LAMP5: variants seen among roughly 807,000 people sequenced by gnomAD.
LAMP5 encodes the protein lysosome associated membrane protein 5.
Under a neutral mutation model 30.2 loss-of-function variants are expected in LAMP5, and 36 were observed. The ratio of observed to expected loss-of-function variants is 1.19; its 90% CI spans 0.91 to 1.57. The LOEUF is 1.57. LAMP5 is among the 40% of genes most tolerant of loss of function. The pLI is 0.00. For synonymous variants in LAMP5, 149 were observed against 134.6 expected, an observed-to-expected ratio of 1.11 and a Z score of -0.74; for missense variants, 377 against 354.9, an observed-to-expected ratio of 1.06 and a Z score of -0.50.
In LAMP5 at chr20:9,516,295, A is replaced by C. The variant is rs762196385; in HGVS notation, c.409A>C (p.Arg137=). The change falls in exon 4 of 6, where the codon AGG becomes CGG. Residue 137 remains arginine, a synonymous_variant. Transcript: ENST00000246070. ...GTCCAAGGGACCTGAGGCGACTTGGAGGCTGAGCAAAGTGCAGTTTGTCTA... is the reference window on the plus strand; with the variant it reads ...GTCCAAGGGACCTGAGGCGACTTGGCGGCTGAGCAAAGTGCAGTTTGTCTA... ...NMSKGPEATW[R]LSKVQFVYDS... is the part of the protein sequence containing the mutation. The C allele has an allele frequency of 6.2e-7, 1 of 1,614,174 alleles. No individual in the cohort carries two copies. The highest frequency in any genetic ancestry group is 1.1e-5 in the South Asian group (1 of 91,074).
At chr20:9,527,107 A>T (rs988098037) in intron 5 of LAMP5, among the ~76,000 whole-genome samples, 1 of 151,986 alleles carries the variant, frequency 6.6e-6, no homozygotes, top group African/African-American at 2.4e-5. Flanking sequence ...GAACCTCTGC[A>T]ACCAGCATGC....
In LAMP5 at chr20:9,528,321, T is replaced by TGTGTGC. The variant is rs1555892014; in HGVS notation, c.665-1320_665-1319insTGTGCG. ...GGGTGTGTGTGTGTGTGTGTGTGTG[T>TGTGTGC]GCGTGTGTGTGTTTGTGTTGGGGAG... On this transcript the variant is annotated intron_variant, in intron 5 of 5. Transcript: ENST00000246070. Among the ~76,000 whole-genome samples the TGTGTGC allele has an allele frequency of 7.0e-3, 1,056 of 151,236 alleles. 12 individuals carry two copies. The highest frequency in any genetic ancestry group is 0.025 in the African/African-American group (1,011 of 41,068).
rs1373700297 is a variant in LAMP5, at chr20:9,516,303, C to A, written c.417C>A (p.Ser139Arg). 3 of 1,614,026 alleles carry A rather than the reference C, an allele frequency of 1.9e-6. No homozygotes were observed. The highest frequency in any genetic ancestry group is 1.7e-6 in the Non-Finnish European group (2 of 1,180,050). ...GACCTGAGGCGACTTGGAGGCTGAGCAAAGTGCAGTTTGTCTACGACTCCT... is the reference window on the plus strand; with the variant it reads ...GACCTGAGGCGACTTGGAGGCTGAGAAAAGTGCAGTTTGTCTACGACTCCT... The part of the protein sequence containing the change: ...SKGPEATWRL[S>R]KVQFVYDSSE... Residue 139 changes from serine (S) to arginine (R), a missense_variant, in exon 4 of 6, where the codon AGC (serine) becomes AGA (arginine). Ser to Arg is a moderately radical substitution (Grantham distance 110). Transcript: ENST00000246070.
chr20:9,525,125 G>A (rs1489480403), intron 5 of LAMP5, among the ~76,000 whole-genome samples: 7 of 151,966 alleles, frequency 4.6e-5, no homozygotes, highest in South Asian at 4.2e-4. Flanking sequence ...AATCATGATA[G>A]CATTCTAAGC....
chr20:9,515,736 G>A, intron 2 of LAMP5, 111 bp downstream of exon 2: 7 of 1,222,884 alleles, frequency 5.7e-6, no homozygotes, highest in Non-Finnish European at 8.1e-6. Flanking sequence ...CCCACACCCC[G>A]GCAGGCTGCT....
intron 2 of LAMP5, 109 bp from the exon 3 acceptor site, chr20:9,515,891 C>T (rs1455779024): frequency 1.6e-6 from 2 of 1,285,588 alleles, no homozygotes; most frequent in African/African-American, 1.5e-5. Context: ...GATGCGCGCG[C>T]GCAAAGGAGC....
chr20:9,520,430 CT>C (rs2045071584), intron 5 of LAMP5, among the ~76,000 whole-genome samples: 1 of 152,122 alleles, frequency 6.6e-6, no homozygotes, highest in Admixed American at 6.5e-5. Flanking sequence ...TTTTGGGTGC[CT>C]TTTCGGGATC....
At chr20:9,518,431 C>T (rs897624407) in intron 5 of LAMP5, among the ~76,000 whole-genome samples, 2 of 152,202 alleles carry the variant, frequency 1.3e-5, no homozygotes, top group Admixed American at 6.5e-5. Context: ...TTCTTTCTCC[C>T]TCCCAGCCTC....
chr20:9,518,017 A>G, intron 4 of LAMP5, 23 bp from the exon 5 acceptor site: 2 of 1,006,512 alleles, frequency 2.0e-6, no homozygotes, highest in African/African-American at 4.4e-5. Context: ...GGTTCTAACT[A>G]TTGCTCTGGG....
chr20:9,515,055 G>C, intron 1 of LAMP5, 139 bp downstream of exon 1: 1 of 770,610 alleles, frequency 1.3e-6, no homozygotes, highest in Non-Finnish European at 2.1e-6. Flanking sequence ...TTTCTTTTAG[G>C]GGAGGAGGGA....
Position 9,515,641 on chromosome 20 carries a change from C to G in LAMP5, c.237+16C>G, listed in dbSNP as rs1157287659. Reference sequence around the variant, plus strand: ...CTACGTAGATGTAAGGAATCTTTCCCCCCCCTCAGCTTGCTCCTAGGGCTC... The same window carrying G: ...CTACGTAGATGTAAGGAATCTTTCCGCCCCCTCAGCTTGCTCCTAGGGCTC... On this transcript the variant is annotated intron_variant, in intron 2 of 5. Coordinates refer to ENST00000246070, the MANE Select transcript of LAMP5 (RefSeq NM_012261.4). The G allele has an allele frequency of 6.2e-7, 1 of 1,612,312 alleles. No homozygotes were observed. Among genetic ancestry groups the G allele is most frequent in the Non-Finnish European group, 8.5e-7 (1 of 1,178,814 alleles).
At chr20:9,515,397 C>T in intron 1 of LAMP5, 56 bp from the exon 2 acceptor site, 1 of 1,543,606 alleles carries the variant, frequency 6.5e-7, no homozygotes, top group Non-Finnish European at 8.8e-7. Context: ...CACCCTAGCG[C>T]CCGAGACGCG....
In LAMP5 at chr20:9,516,016, C is replaced by G; in HGVS notation, c.254C>G (p.Ala85Gly). The change falls in exon 3 of 6, where the codon GCC becomes GGC. Residue 85 changes from alanine (A) to glycine (G), a missense_variant. By Grantham distance (60) the Ala-to-Gly change is moderately conservative. Coordinates refer to ENST00000246070, the MANE Select transcript of LAMP5 (RefSeq NM_012261.4). ...TGTTCCCAGCTGATCACAGAACAGG[C>G]CGATATCGCATTGACCCGGGGAGCT... ...SNYVDLITEQ[A>G]DIALTRGAEV... 6.6e-7 allele frequency: 1 copy of G among 1,524,764 alleles called. No homozygotes were observed. The highest frequency in any genetic ancestry group is 8.8e-7 in the Non-Finnish European group (1 of 1,141,532). The allele number at this position is 1,524,764 out of a possible 1,614,324, so 94.5% of individuals were successfully genotyped here. A position where few individuals can be genotyped will look rare whatever the true frequency, so the allele number is the denominator to read the frequency against.
At chr20:9,521,459 G>A (rs1460068841) in intron 5 of LAMP5, among the ~76,000 whole-genome samples, 1 of 152,178 alleles carries the variant, frequency 6.6e-6, no homozygotes, top group Non-Finnish European at 1.5e-5. Flanking sequence ...TTGGGAGTTT[G>A]GTGCCAACAG....
chr20:9,520,753 T>G (rs946727246), intron 5 of LAMP5, among the ~76,000 whole-genome samples: 5 of 152,158 alleles, frequency 3.3e-5, no homozygotes, highest in African/African-American at 1.2e-4. Context: ...ATCAAGGTAG[T>G]GTCCACGAAG....
At chr20:9,525,434 AG>A (rs1331609883) in intron 5 of LAMP5, among the ~76,000 whole-genome samples, 7 of 152,178 alleles carry the variant, frequency 4.6e-5, no homozygotes, top group Non-Finnish European at 1.0e-4. Flanking sequence ...TCGATTTTAC[AG>A]GAAACTGAAG....
rs6056664 is a variant in LAMP5, at chr20:9,521,453, G to A, written c.664+3225G>A. ...AATAATTGGATGTGTAAAGATTTGG[G>A]AGTTTGGTGCCAACAGGCTTTTGAG... On this transcript the variant is annotated intron_variant, in intron 5 of 5. Coordinates refer to ENST00000246070, the MANE Select transcript of LAMP5 (RefSeq NM_012261.4). Among the ~76,000 whole-genome samples the A allele has an allele frequency of 6.3e-3, 965 of 152,296 alleles. 6 individuals carry two copies. The highest frequency in any genetic ancestry group is 0.01 in the Middle Eastern group (3 of 294).
chr20:9,528,428 G>C (rs1349499054), intron 5 of LAMP5, among the ~76,000 whole-genome samples: 2 of 151,982 alleles, frequency 1.3e-5, no homozygotes, highest in South Asian at 2.1e-4. Context: ...AGCAGAGTAG[G>C]GTGACTATAG....
Position 9,529,867 on chromosome 20 carries a change from A to G in LAMP5, c.*47A>G. ...CTATTCCTGCTCCCCCAACTGGATC[A>G]GGTAGAACAACAAAAGCACTTTTCC... On this transcript the variant is annotated 3_prime_UTR_variant, in exon 6 of 6. Transcript: ENST00000246070. 6.3e-7 allele frequency: 1 copy of G among 1,577,960 alleles called. No homozygotes were observed. Among genetic ancestry groups the G allele is most frequent in the Non-Finnish European group, 8.7e-7 (1 of 1,152,326 alleles).
Sources: allele counts gnomAD v4.1 joint callset (sites outside exome capture counted in the v4.1 genomes callset), GRCh38; gene constraint gnomAD v4.1.1; transcripts MANE v1.5; gene names NCBI Gene and HGNC (gene_info 2026-07-23, HGNC 2026-07-21).